Variants in PIPOX observed in about 807,000 individuals in gnomAD.
The protein encoded by PIPOX is peroxisomal sarcosine oxidase.
A neutral mutation model predicts 47.9 loss-of-function variants in PIPOX; 45 were observed. That is an observed-to-expected ratio of 0.94 (90% CI 0.74 to 1.20). PIPOX has a LOEUF of 1.20. PIPOX is among the 50% of genes most tolerant of loss of function. The pLI is 0.00. For synonymous variants in PIPOX, 165 were observed against 191.3 expected (o/e 0.86, Z 1.13); for missense variants, 458 against 498.4 (o/e 0.92, Z 0.77).
At chr17:29,051,525 T>C (rs2065806251) in intron 2 of PIPOX, among the ~76,000 whole-genome samples, 2 of 152,186 alleles carry the variant, frequency 1.3e-5, no homozygotes, top group African/African-American at 4.8e-5. Context: ...TGCTGGGCAG[T>C]GCAGCAGCTG....
At chr17:29,056,087 G>C in intron 7 of PIPOX, 88 bp from the exon 8 acceptor site, 2 of 1,542,686 alleles carry the variant, frequency 1.3e-6, no homozygotes, top group Non-Finnish European at 1.8e-6. Context: ...CAGGAGGACA[G>C]TCAGCCCTGT....
chr17:29,051,608 CA>C (rs35121520), intron 2 of PIPOX, among the ~76,000 whole-genome samples: 3 of 152,276 alleles, frequency 2.0e-5, no homozygotes, highest in African/African-American at 7.2e-5. Context: ...CGTTTCCCCC[CA>C]AAAGGGAGCT....
chr17:29,053,071 G>A lies in PIPOX; in HGVS notation c.415G>A (p.Val139Met). ...AAATATTCGGTTGCCCAGGGGAGAA[G>A]TGGGGCTCTTGGACAATTCCGGAGG... ...FPNIRLPRGE[V>M]GLLDNSGGVI... The change falls in exon 3 of 8, where the codon GTG (valine) becomes ATG (methionine). Residue 139 changes from valine to methionine, a missense_variant. Physicochemically the swap from Val to Met is conservative, Grantham distance 21. Transcript: ENST00000323372. 6.2e-7 allele frequency: 1 copy of A among 1,614,260 alleles called. No homozygotes were observed. The highest frequency in any genetic ancestry group is 8.5e-7 in the Non-Finnish European group (1 of 1,180,048).
At position 29,043,192 on chromosome 17, in the gene PIPOX, T is replaced by C. The variant is rs763496303; in HGVS notation, c.-34T>C. 6 of 1,541,588 alleles carry C rather than the reference T, an allele frequency of 3.9e-6. No individual in the cohort carries two copies. Among genetic ancestry groups the C allele is most frequent in the African/African-American group, 1.4e-5 (1 of 73,352 alleles). On this transcript the variant is annotated 5_prime_UTR_variant, in exon 1 of 8. Transcript: ENST00000323372. ...AGCCTGTCTTTGCTTGCCTTTGCCT[T>C]TGAGGCTCTGTGGCTGTGGGGCTGA...
In PIPOX at chr17:29,055,055, G is replaced by T; in HGVS notation, c.808-8G>T. 1.2e-6 allele frequency: 2 copies of T among 1,614,148 alleles called. No individual in the cohort carries two copies. Among genetic ancestry groups the T allele is most frequent in the Non-Finnish European group, 1.7e-6 (2 of 1,180,012 alleles). On this transcript the variant is annotated splice_region_variant and splice_polypyrimidine_tract_variant and intron_variant, in intron 5 of 7. Transcript: ENST00000323372. ...CTCACCACTCATGCCACTCTGATTGGGAGCCAGGTCAGCTATCACCACGGC... is the reference window on the plus strand; with the variant it reads ...CTCACCACTCATGCCACTCTGATTGTGAGCCAGGTCAGCTATCACCACGGC...
chr17:29,056,043 T>C (rs2065826802), intron 7 of PIPOX, 132 bp from the exon 8 acceptor site: 1 of 1,314,754 alleles, frequency 7.6e-7, no homozygotes, highest in East Asian at 2.3e-5. Context: ...GGGGTATTCA[T>C]GGTGGGAGGC....
rs772272808 is a variant in PIPOX at position 29,053,427 on chromosome 17, G to C, written c.492G>C (p.Gln164His). 1.2e-6 allele frequency: 2 copies of C among 1,612,022 alleles called. No homozygotes were observed. Among genetic ancestry groups the C allele is most frequent in the Non-Finnish European group, 1.7e-6 (2 of 1,178,506 alleles). Residue 164 changes from glutamine (Q) to histidine (H), a missense_variant, in exon 4 of 8, where the codon CAG (glutamine) becomes CAC (histidine). Physicochemically the swap from Gln to His is conservative, Grantham distance 24. Transcript: ENST00000323372. ...TGCCCTTTCAGGATGCAATTCGACAGCTAGGAGGCATAGTGCGTGACGGAG... is the reference window on the plus strand; with the variant it reads ...TGCCCTTTCAGGATGCAATTCGACACCTAGGAGGCATAGTGCGTGACGGAG... ...ALRALQDAIR[Q>H]LGGIVRDGEK...
chr17:29,046,644 T>A, intron 2 of PIPOX: 1 of 985,328 alleles, frequency 1.0e-6, no homozygotes. Flanking sequence ...AGGAGACAGA[T>A]GGGTGCAACA....
intron 5 of PIPOX, 54 bp from the exon 6 acceptor site, chr17:29,055,009 G>T: frequency 1.2e-6 from 2 of 1,606,874 alleles, no homozygotes; most frequent in South Asian, 2.2e-5. Context: ...TTCGGCTGTG[G>T]GTGTGTGTGG....
Position 29,056,578 on chromosome 17 carries a change from G to T in PIPOX, c.*273G>T, listed in dbSNP as rs1397009394. 1 of 525,270 alleles carries T rather than the reference G, an allele frequency of 1.9e-6. No individual in the cohort carries two copies. Among genetic ancestry groups the T allele is most frequent in the African/African-American group, 1.9e-5 (1 of 52,418 alleles). The allele number at this position is 525,270 out of a possible 1,614,324, so 32.5% of individuals were successfully genotyped here. A position where few individuals can be genotyped will look rare whatever the true frequency, so the allele number is the denominator to read the frequency against. The stretch of plus-strand genomic sequence containing the variant: ...CACAACTACTTTCTCGCTCCCAGAA[G>T]GTTGATCAGATATTCTACAATCACA... On this transcript the variant is annotated 3_prime_UTR_variant, in exon 8 of 8. Transcript: ENST00000323372.
chr17:29,055,698 C>T, intron 6 of PIPOX, 115 bp from the exon 7 acceptor site: 2 of 888,462 alleles, frequency 2.3e-6, no homozygotes, highest in Non-Finnish European at 3.8e-6. Context: ...CATCCTTGTG[C>T]CTCATTCCAT....
intron 6 of PIPOX, 30 bp downstream of exon 6, chr17:29,055,251 C>G: frequency 7.4e-6 from 12 of 1,613,466 alleles, no homozygotes; most frequent in South Asian, 2.2e-5. Flanking sequence ...TTGCTGGGCC[C>G]CCTCACCACT....
chr17:29,043,426 G>A lies in PIPOX; in HGVS notation c.114+87G>A. On this transcript the variant is annotated intron_variant, in intron 1 of 7. Coordinates refer to ENST00000323372, the MANE Select transcript of PIPOX (RefSeq NM_016518.3). ...GGGTTTTCAGAGCCAGCAGGCTACA[G>A]GGCAAGGCCAAAGGGACTGAATCAT... 1.0e-5 allele frequency: 9 copies of A among 888,940 alleles called. No homozygotes were observed. In the South Asian group the frequency reaches 1.3e-4, roughly 13 times the overall value. 55.1% of individuals were successfully genotyped at this position (888,940 alleles called of 1,614,324 possible). A position where few individuals can be genotyped will look rare whatever the true frequency, so the allele number is the denominator to read the frequency against.
chr17:29,046,824 T>G, intron 2 of PIPOX: 90 of 915,666 alleles, frequency 9.8e-5, no homozygotes, highest in Non-Finnish European at 1.1e-4. Flanking sequence ...GCTGTGTGGT[T>G]TGGAACGAGC....
Position 29,053,431 on chromosome 17 carries a change from G to A in PIPOX, c.496G>A (p.Gly166Arg), listed in dbSNP as rs773368934. Reference sequence around the variant, plus strand: ...CTTTCAGGATGCAATTCGACAGCTAGGAGGCATAGTGCGTGACGGAGAGAA... The same window carrying A: ...CTTTCAGGATGCAATTCGACAGCTAAGAGGCATAGTGCGTGACGGAGAGAA... The part of the protein sequence containing the change: ...RALQDAIRQL[G>R]GIVRDGEKVV... The change falls in exon 4 of 8, where the codon GGA (glycine) becomes AGA (arginine). Residue 166 changes from glycine to arginine, a missense_variant. Physicochemically the swap from Gly to Arg is moderately radical, Grantham distance 125. Coordinates refer to ENST00000323372, the MANE Select transcript of PIPOX (RefSeq NM_016518.3). 9 of 1,612,290 alleles carry A rather than the reference G, an allele frequency of 5.6e-6. No homozygotes were observed. Among genetic ancestry groups the A allele is most frequent in the Non-Finnish European group, 7.6e-6 (9 of 1,178,772 alleles).
intron 2 of PIPOX, chr17:29,046,737 C>G (rs1401928834): frequency 1.9e-5 from 19 of 985,310 alleles, no homozygotes; most frequent in Non-Finnish European, 2.0e-5. Flanking sequence ...CACAATCCTC[C>G]TCTTTGCCAG....
chr17:29,045,622 G>C (rs2065782858), intron 2 of PIPOX, among the ~76,000 whole-genome samples: 1 of 151,880 alleles, frequency 6.6e-6, no homozygotes, highest in Non-Finnish European at 1.5e-5. Flanking sequence ...TGTTGGCCAG[G>C]ATGGTCTTGA....
intron 2 of PIPOX, among the ~76,000 whole-genome samples, chr17:29,051,092 G>T (rs1244209838): frequency 2.0e-5 from 3 of 152,034 alleles, no homozygotes; most frequent in Non-Finnish European, 4.4e-5. Flanking sequence ...CTGCACTCCA[G>T]CCTGGATGAC....
chr17:29,054,680 G>A lies in PIPOX; in HGVS notation c.796G>A (p.Gly266Arg), dbSNP rs775064341. The change falls in exon 5 of 8, where the codon GGG becomes AGG. Residue 266 changes from glycine to arginine, a missense_variant. Physicochemically the swap from Gly to Arg is moderately radical, Grantham distance 125. Coordinates refer to ENST00000323372, the MANE Select transcript of PIPOX (RefSeq NM_016518.3). ...IYGLPTGEYP[G>R]LMKVSYHHGN... Reference sequence around the variant, plus strand: ...CGGACTGCCCACAGGAGAGTACCCAGGGCTGATGAAGGTGAGCGGAAAGAC... The same window carrying A: ...CGGACTGCCCACAGGAGAGTACCCAAGGCTGATGAAGGTGAGCGGAAAGAC... 1 of 1,613,956 alleles carries A rather than the reference G, an allele frequency of 6.2e-7. No individual in the cohort carries two copies. The highest frequency in any genetic ancestry group is 8.5e-7 in the Non-Finnish European group (1 of 1,179,870).
Sources: allele counts gnomAD v4.1 joint callset (sites outside exome capture counted in the v4.1 genomes callset), GRCh38; gene constraint gnomAD v4.1.1; transcripts MANE v1.5; gene names NCBI Gene and HGNC (gene_info 2026-07-23, HGNC 2026-07-21).